The following SHISA9 variants were observed in gnomAD, a reference collection of about 807,000 sequenced individuals.
SHISA9 encodes the protein protein shisa-9.
SHISA9 carries 13 observed loss-of-function variants against 38.0 expected under a neutral mutation model. That is an observed-to-expected ratio of 0.34 (90% CI 0.22 to 0.54). The LOEUF (loss-of-function observed/expected upper bound fraction) is 0.54, where lower values mean the gene tolerates loss of function less well. Among genes scored for constraint, SHISA9 ranks in the 20% least tolerant of loss-of-function variants. The pLI, the probability that SHISA9 is intolerant of heterozygous loss-of-function variation, is 0.91. For missense variants in SHISA9, 538 were observed against 575.8 expected (o/e 0.93, Z 0.67); for synonymous variants, 275 against 242.0 (o/e 1.14, Z -1.27).
At chr16:13,155,886 G>A (rs2050542215) in intron 2 of SHISA9, among the ~76,000 whole-genome samples, 1 of 152,028 alleles carries the variant, frequency 6.6e-6, no homozygotes, top group African/African-American at 2.4e-5. Flanking sequence ...CAGAATGAGG[G>A]AATGTGCTTG....
chr16:13,508,508 A>T, the SHISA9 span, among the ~76,000 whole-genome samples: 3 of 152,144 alleles, frequency 2.0e-5, no homozygotes. Context: ...TTTTTTATGC[A>T]TGTTGTTAAA....
chr16:13,159,340 G>A (rs376216857), intron 2 of SHISA9, among the ~76,000 whole-genome samples: 1 of 152,190 alleles, frequency 6.6e-6, no homozygotes, highest in South Asian at 2.1e-4. Flanking sequence ...GTTCCCAGAA[G>A]GCTTCCTTTT....
At chr16:12,917,445 G>T (rs1160293835) in intron 2 of SHISA9, among the ~76,000 whole-genome samples, 7 of 151,732 alleles carry the variant, frequency 4.6e-5, no homozygotes, top group Non-Finnish European at 7.4e-5. Context: ...CCATTGTTCT[G>T]CCAGGGGAAA....
At chr16:13,028,506 G>A (rs1172701529) in intron 2 of SHISA9, among the ~76,000 whole-genome samples, 1 of 151,932 alleles carries the variant, frequency 6.6e-6, no homozygotes, top group Non-Finnish European at 1.5e-5. Flanking sequence ...AGTGAAAGGG[G>A]AGACCCCTTA....
Position 13,208,423 on chromosome 16 carries a change from C to T in SHISA9, c.848-4830C>T, listed in dbSNP as rs537983753. Among the ~76,000 whole-genome samples, 190 of 134,678 alleles carry T rather than the reference C, an allele frequency of 1.4e-3. 2 individuals carry two copies. The highest frequency in any genetic ancestry group is 5.6e-3 in the African/African-American group (183 of 32,538). The allele number at this position is 134,678 out of a possible 152,430, so 88.4% of individuals were successfully genotyped here. The stretch of plus-strand genomic sequence containing the variant: ...CTCATGTTTAAAGAGACCTCTTTTC[C>T]TTTCTTTTTCTTTTTTTTTCTTTTT... On this transcript the variant is annotated intron_variant, in intron 3 of 4. Transcript: ENST00000558583.
chr16:13,519,316 C>T, the SHISA9 span, among the ~76,000 whole-genome samples: 7 of 152,088 alleles, frequency 4.6e-5, no homozygotes, highest in African/African-American at 1.7e-4. Context: ...TTGAAGCATT[C>T]GTTGTAGCAT....
the SHISA9 span, among the ~76,000 whole-genome samples, chr16:13,419,266 A>T: frequency 6.6e-6 from 1 of 152,220 alleles, no homozygotes; most frequent in Non-Finnish European, 1.5e-5. Context: ...TTTTATAGGG[A>T]TAAGCTCCAA....
At chr16:13,192,131 T>C (rs2050891100) in intron 2 of SHISA9, among the ~76,000 whole-genome samples, 1 of 151,962 alleles carries the variant, frequency 6.6e-6, no homozygotes, top group Non-Finnish European at 1.5e-5. Context: ...AAACAGAAAA[T>C]AAAATACTGC....
At chr16:13,469,316 GAGAGAGAAAGAAAGAAAGAAAGAA>G in the SHISA9 span, among the ~76,000 whole-genome samples, 1 of 53,670 alleles carries the variant, frequency 1.9e-5, no homozygotes, top group African/African-American at 9.6e-5. Flanking sequence ...GAGAGAGAGA[GAGAGAGAAAGAAAGAAAGAAAGAA>G]AGAAAGAAAG....
At chr16:13,343,444 C>T in the SHISA9 span, among the ~76,000 whole-genome samples, 5 of 151,994 alleles carry the variant, frequency 3.3e-5, no homozygotes, top group Non-Finnish European at 7.4e-5. Flanking sequence ...TAATAAAATG[C>T]TAATCACCAT....
At chr16:13,483,927 T>C in the SHISA9 span, among the ~76,000 whole-genome samples, 1 of 152,208 alleles carries the variant, frequency 6.6e-6, no homozygotes, top group Non-Finnish European at 1.5e-5. Flanking sequence ...CCCTGAGTTC[T>C]GTGAGATGCT....
the SHISA9 span, among the ~76,000 whole-genome samples, chr16:13,392,273 C>T: frequency 2.6e-5 from 4 of 151,964 alleles, no homozygotes; most frequent in South Asian, 2.1e-4. Context: ...AAGATAAGGC[C>T]CTACTGGAGT....
the SHISA9 span, among the ~76,000 whole-genome samples, chr16:13,346,021 G>C: frequency 6.6e-6 from 1 of 152,226 alleles, no homozygotes; most frequent in Non-Finnish European, 1.5e-5. Flanking sequence ...TTTGTTACAG[G>C]AATAGTGGTA....
intron 2 of SHISA9, among the ~76,000 whole-genome samples, chr16:12,955,714 A>G (rs951067493): frequency 5.3e-5 from 8 of 152,128 alleles, no homozygotes; most frequent in Non-Finnish European, 8.8e-5. Flanking sequence ...ATGCAGAAAA[A>G]TAAAACTGAC....
At chr16:13,078,325 C>G (rs1022141980) in intron 2 of SHISA9, among the ~76,000 whole-genome samples, 4 of 152,164 alleles carry the variant, frequency 2.6e-5, no homozygotes, top group African/African-American at 9.6e-5. Flanking sequence ...ATGACTAATA[C>G]AATGTAAATG....
At chr16:13,041,438 C>A (rs1029786714) in intron 2 of SHISA9, among the ~76,000 whole-genome samples, 11 of 152,202 alleles carry the variant, frequency 7.2e-5, no homozygotes, top group African/African-American at 1.7e-4. Context: ...CCAGTGCAAA[C>A]CTTTGTCCTC....
At chr16:13,431,465 T>C in the SHISA9 span, among the ~76,000 whole-genome samples, 23 of 152,244 alleles carry the variant, frequency 1.5e-4, no homozygotes, top group Non-Finnish European at 3.1e-4. Context: ...ATGCAACTTA[T>C]TTTTATCAAG....
intron 2 of SHISA9, among the ~76,000 whole-genome samples, chr16:13,061,435 T>C (rs1011102286): frequency 1.3e-5 from 2 of 152,222 alleles, no homozygotes; most frequent in African/African-American, 4.8e-5. Context: ...AGTCGCTTCG[T>C]CCGACAATCT....
At chr16:13,292,476 T>C in the SHISA9 span, among the ~76,000 whole-genome samples, 2 of 152,166 alleles carry the variant, frequency 1.3e-5, no homozygotes, top group Non-Finnish European at 2.9e-5. Flanking sequence ...ATTCCAAATC[T>C]AGTGACAGAT....
Sources: gnomAD v4.1 joint callset for allele counts (sites outside exome capture counted in the v4.1 genomes callset) on GRCh38, gnomAD v4.1.1 for gene constraint, MANE v1.5 for transcripts, NCBI Gene and HGNC (gene_info 2026-07-23, HGNC 2026-07-21) for gene names.